SATB2: variants seen among roughly 807,000 people sequenced by gnomAD.
SATB2 encodes the protein SATB homeobox 2.
SATB2 carries 1 observed loss-of-function variant against 73.4 expected under a neutral mutation model. That is an observed-to-expected ratio of 0.01 (90% confidence interval 0.00 to 0.06). SATB2 has a LOEUF of 0.06. SATB2 is among the 10% of genes least tolerant of loss of function. The pLI, the probability that SATB2 is intolerant of heterozygous loss-of-function variation, is 1.00. For missense variants in SATB2, 459 were observed against 945.8 expected (o/e 0.49, Z 6.75); for synonymous variants, 397 against 367.0 (o/e 1.08, Z -0.93).
At chr2:199,402,338 T>A (rs934091842) in intron 3 of SATB2, among the ~76,000 whole-genome samples, 14 of 151,978 alleles carry the variant, frequency 9.2e-5, no homozygotes, top group African/African-American at 3.4e-4. Context: ...TGAGCTGAGA[T>A]CACGCCACTG....
chr2:199,309,072 C>G, intron 9 of SATB2, 115 bp from the exon 10 acceptor site: 4 of 897,406 alleles, frequency 4.5e-6, no homozygotes, highest in Non-Finnish European at 7.2e-6. Context: ...ATTGTTCCTG[C>G]CAACGTGGGG....
In SATB2 at chr2:199,380,430, A is replaced by G. The variant is rs768204353; in HGVS notation, c.531T>C (p.Asn177=). The change falls in exon 5 of 11, where the codon AAT becomes AAC. Residue 177 remains asparagine (N), a synonymous_variant. Transcript: ENST00000417098. ...AEQWNHATVR[N]ALKELLKEMN... ...TCTCTTTGAGCAGTTCCTTTAAGGC[A>G]TTGCGGACTGTGGCATGGTTCCACT... The G allele has an allele frequency of 1.9e-6, 3 of 1,613,966 alleles. No homozygotes were observed. Among genetic ancestry groups the G allele is most frequent in the Non-Finnish European group, 2.5e-6 (3 of 1,179,872 alleles).
At chr2:199,416,698 C>G (rs576413529) in intron 3 of SATB2, among the ~76,000 whole-genome samples, 7 of 152,122 alleles carry the variant, frequency 4.6e-5, no homozygotes, top group Non-Finnish European at 8.8e-5. Flanking sequence ...TTTCTTACTG[C>G]CTTGTTTACA....
At chr2:199,273,949 C>G (rs1319385876) in intron 10 of SATB2, among the ~76,000 whole-genome samples, 1 of 152,156 alleles carries the variant, frequency 6.6e-6, no homozygotes, top group Admixed American at 6.5e-5. Flanking sequence ...TCGCCCACAC[C>G]TTACAGCTTC....
At chr2:199,429,944 AATTTTAAAATTT>A (rs1691451363) in intron 3 of SATB2, among the ~76,000 whole-genome samples, 2 of 152,314 alleles carry the variant, frequency 1.3e-5, no homozygotes, top group South Asian at 4.1e-4. Context: ...ATCAACAGTC[AATTTTAAAATTT>A]ATTTTAAAAT....
chr2:199,328,617 T>C, intron 8 of SATB2, 81 bp downstream of exon 8: 1 of 1,015,466 alleles, frequency 9.8e-7, no homozygotes, highest in Non-Finnish European at 1.6e-6. Context: ...TCTCTCAATG[T>C]TTGAGGGAAA....
intron 10 of SATB2, among the ~76,000 whole-genome samples, chr2:199,280,565 G>C (rs973984232): frequency 1.3e-5 from 2 of 152,174 alleles, no homozygotes; most frequent in Admixed American, 1.3e-4. Context: ...CTGAGAAAGA[G>C]AATGTGTCCC....
intron 10 of SATB2, among the ~76,000 whole-genome samples, chr2:199,302,375 C>T (rs945999072): frequency 6.6e-6 from 1 of 152,116 alleles, no homozygotes; most frequent in African/African-American, 2.4e-5. Context: ...AAATTTTTGA[C>T]ATGTTGAAAA....
At chr2:199,453,886 T>C (rs192077784) in intron 2 of SATB2, among the ~76,000 whole-genome samples, 4 of 152,178 alleles carry the variant, frequency 2.6e-5, no homozygotes, top group African/African-American at 4.8e-5. Flanking sequence ...ATAAACGATA[T>C]GTATTGAGAC....
chr2:199,461,954 C>G (rs1692484968), upstream of SATB2, among the ~76,000 whole-genome samples: 1 of 152,194 alleles, frequency 6.6e-6, no homozygotes, highest in East Asian at 1.9e-4. Context: ...AGGCCCGCTC[C>G]GGACAGCGTA....
At position 199,296,553 on chromosome 2, in the gene SATB2, A is replaced by G. The variant is rs139467475; in HGVS notation, c.1740+12207T>C. On this transcript the variant is annotated intron_variant, in intron 10 of 10. Coordinates refer to ENST00000417098, the MANE Select transcript of SATB2 (RefSeq NM_001172509.2). ...TAAAAATACAAGAAATTAGCTAGGG[A>G]TGGTAGTGTGCTCCTGTAGTCCCAG... Among the ~76,000 whole-genome samples, 15 of 152,150 alleles carry G rather than the reference A, an allele frequency of 9.9e-5. No homozygotes were observed. The East Asian group carries it at 2.9e-3, about 29-fold the overall frequency.
intron 7 of SATB2, chr2:199,348,398 T>C: frequency 3.3e-6 from 1 of 300,040 alleles, no homozygotes; most frequent in South Asian, 4.6e-5. Flanking sequence ...GGGTTACATC[T>C]GCAAACAGTA....
At chr2:199,319,751 T>A in intron 9 of SATB2, among the ~76,000 whole-genome samples, 1 of 151,590 alleles carries the variant, frequency 6.6e-6, no homozygotes, top group Middle Eastern at 3.4e-3. Context: ...TAATAAAGAT[T>A]AACTCTCCTC....
intron 2 of SATB2, among the ~76,000 whole-genome samples, chr2:199,454,203 C>T (rs1450983081): frequency 1.3e-5 from 2 of 152,104 alleles, no homozygotes; most frequent in East Asian, 1.9e-4. Context: ...TAGGGAAGCA[C>T]GTTGTTAACA....
chr2:199,439,654 AAAC>A (rs1359113304), intron 2 of SATB2, among the ~76,000 whole-genome samples: 3 of 152,154 alleles, frequency 2.0e-5, no homozygotes, highest in Admixed American at 6.5e-5. Flanking sequence ...CAGAAAATCA[AAAC>A]AACGATTTAC....
chr2:199,415,016 C>A lies in SATB2; in HGVS notation c.346+18322G>T, dbSNP rs963431758. Among the ~76,000 whole-genome samples, 45 of 151,970 alleles carry A rather than the reference C, an allele frequency of 3.0e-4. 1 individual carries two copies. The highest frequency in any genetic ancestry group is 6.6e-4 in the Admixed American group (10 of 15,254). Reference sequence around the variant, plus strand: ...GCATGAAGTTCAGGTTGCAAAACATCGGGGAAAATAAAAGAAGGAAAAGTT... The same window carrying A: ...GCATGAAGTTCAGGTTGCAAAACATAGGGGAAAATAAAAGAAGGAAAAGTT... On this transcript the variant is annotated intron_variant, in intron 3 of 10. Transcript: ENST00000417098.
Position 199,455,378 on chromosome 2 carries a change from G to A in SATB2, c.169+491C>T, listed in dbSNP as rs1368582311. ...TGATTCTTTATTTCCCACATTTCAC[G>A]TGGCAGGAAATATTCCCAGTTGTCA... On this transcript the variant is annotated intron_variant, in intron 2 of 10. Coordinates refer to ENST00000417098, the MANE Select transcript of SATB2 (RefSeq NM_001172509.2). The surrounding 1 kb of genome is among the most constrained non-coding windows in gnomAD (Gnocchi z 4.1). Among the ~76,000 whole-genome samples the A allele has an allele frequency of 6.6e-6, 1 of 152,162 alleles. No individual in the cohort carries two copies. The highest frequency in any genetic ancestry group is 6.5e-5 in the Admixed American group (1 of 15,276).
In SATB2 at chr2:199,308,884, C is replaced by T. The variant is rs755996970; in HGVS notation, c.1616G>A (p.Cys539Tyr). Residue 539 changes from cysteine to tyrosine, a missense_variant, in exon 10 of 11, where the codon TGT becomes TAT. Transcript: ENST00000417098. The surrounding 1 kb of genome is among the most constrained non-coding windows in gnomAD (Gnocchi z 4.6). ...AAGGTTCAGGAAGCGACGGATGGTA[C>T]AGAGGTTTTCCCAGAGGGTGCGGTT... ...PENRTLWENL[C>Y]TIRRFLNLPQ... The T allele has an allele frequency of 1.9e-6, 3 of 1,614,192 alleles. No individual in the cohort carries two copies. The highest frequency in any genetic ancestry group is 2.5e-6 in the Non-Finnish European group (3 of 1,180,022).
intron 3 of SATB2, among the ~76,000 whole-genome samples, chr2:199,399,165 G>A (rs71424223): frequency 6.6e-4 from 101 of 152,256 alleles, no homozygotes; most frequent in Non-Finnish European, 1.1e-3. Context: ...CCATCTACTC[G>A]GGAGGCTGAG....
Sources: gnomAD v4.1 joint callset for allele counts (sites outside exome capture counted in the v4.1 genomes callset) on GRCh38, gnomAD v4.1.1 for gene constraint, Gnocchi (gnomAD v3.1) non-coding constraint, MANE v1.5 for transcripts, NCBI Gene and HGNC (gene_info 2026-07-23, HGNC 2026-07-21) for gene names.